The following PRDM5 variants were observed in gnomAD, a reference collection of about 807,000 sequenced individuals.
PRDM5 encodes PR domain zinc finger protein 5.
A neutral mutation model predicts 81.2 loss-of-function variants in PRDM5; 56 were observed. The ratio of observed to expected loss-of-function variants is 0.69; its 90% confidence interval spans 0.56 to 0.86. The LOEUF is 0.86. Ranked by LOEUF, PRDM5 falls within the 40% of genes least tolerant of loss-of-function variation. The pLI, the probability that PRDM5 is intolerant of heterozygous loss-of-function variation, is 0.00. For synonymous variants in PRDM5, 267 were observed against 256.4 expected, an observed-to-expected ratio of 1.04 and a Z score of -0.39; for missense variants, 697 against 770.1, an observed-to-expected ratio of 0.91 and a Z score of 1.12.
At chr4:120,901,009 T>C (rs928667781) in intron 2 of PRDM5, among the ~76,000 whole-genome samples, 16 of 152,234 alleles carry the variant, frequency 1.1e-4, no homozygotes, top group African/African-American at 3.6e-4. Flanking sequence ...AGCACTTTTA[T>C]ATATGTCCTC....
chr4:120,770,007 T>C (rs1561162559), intron 13 of PRDM5, among the ~76,000 whole-genome samples: 1 of 110,624 alleles, frequency 9.0e-6, no homozygotes, highest in African/African-American at 3.4e-5. Flanking sequence ...AAAATATCCC[T>C]ATTTATTTAT....
intron 8 of PRDM5, among the ~76,000 whole-genome samples, chr4:120,808,235 G>A (rs1015402751): frequency 6.6e-6 from 1 of 152,242 alleles, no homozygotes; most frequent in South Asian, 2.1e-4. Flanking sequence ...TTTACAGAGA[G>A]CTGATTGGTC....
At chr4:120,912,970 G>A (rs1766689284) in intron 1 of PRDM5, among the ~76,000 whole-genome samples, 1 of 152,162 alleles carries the variant, frequency 6.6e-6, no homozygotes, top group South Asian at 2.1e-4. Flanking sequence ...CTTCAATAGT[G>A]TATTAAATGT....
At chr4:120,739,080 G>C (rs1023099208) in intron 14 of PRDM5, among the ~76,000 whole-genome samples, 2 of 152,182 alleles carry the variant, frequency 1.3e-5, no homozygotes, top group African/African-American at 2.4e-5. Context: ...ATGGCTGGCA[G>C]TACACGTTAG....
In PRDM5 at chr4:120,716,548, C is replaced by G. The variant is rs934921924; in HGVS notation, c.1624-6135G>C. 3.9e-5 allele frequency among the ~76,000 whole-genome samples: 6 copies of G among 152,170 alleles called. No individual in the cohort carries two copies. In the East Asian group the frequency reaches 1.2e-3, roughly 29 times the overall value. ...TGTCATAACTAAGTATATCAACAGG[C>G]AGCTGTGTTTGTCCTTCAAATGCCT... is the stretch of plus-strand genomic sequence containing the variant. On this transcript the variant is annotated intron_variant, in intron 14 of 15. Coordinates refer to ENST00000264808, the MANE Select transcript of PRDM5 (RefSeq NM_018699.4).
chr4:120,858,881 G>C (rs933203788), intron 2 of PRDM5, among the ~76,000 whole-genome samples: 1 of 152,152 alleles, frequency 6.6e-6, no homozygotes, highest in Non-Finnish European at 1.5e-5. Flanking sequence ...ATTCTGGAGT[G>C]GTAAAGATGC....
chr4:120,864,977 G>A (rs531340386), intron 2 of PRDM5, among the ~76,000 whole-genome samples: 271 of 152,302 alleles, frequency 1.8e-3, no homozygotes, highest in African/African-American at 6.0e-3. Context: ...ACACAGCTGT[G>A]TCTCGCATCA....
chr4:120,820,770 C>T (rs991078648), intron 4 of PRDM5, among the ~76,000 whole-genome samples: 1 of 152,234 alleles, frequency 6.6e-6, no homozygotes, highest in Admixed American at 6.5e-5. Flanking sequence ...CTCACCTTTT[C>T]CTATATGCAG....
intron 13 of PRDM5, among the ~76,000 whole-genome samples, chr4:120,772,510 G>T (rs1372118628): frequency 6.6e-6 from 1 of 152,200 alleles, no homozygotes; most frequent in Admixed American, 6.5e-5. Context: ...GGACATTAAC[G>T]TTGCAGCGGC....
chr4:120,712,977 G>A (rs1737225288), intron 14 of PRDM5, among the ~76,000 whole-genome samples: 1 of 152,040 alleles, frequency 6.6e-6, no homozygotes, highest in Non-Finnish European at 1.5e-5. Context: ...CCTAGATGTG[G>A]GACTGAATCT....
chr4:120,922,417 G>C lies in PRDM5; in HGVS notation c.93+99C>G, dbSNP rs1320204355. On this transcript the variant is annotated intron_variant, in intron 1 of 15. Transcript: ENST00000264808. ...CCGGCCCGGGCGAGGGGCGACCGGG[G>C]TGAAGCCCGCCGCGCCCCGGGCCCT... is the stretch of plus-strand genomic sequence containing the variant. 151 of 1,193,984 alleles carry C rather than the reference G, an allele frequency of 1.3e-4. 1 individual carries two copies. The highest frequency in any genetic ancestry group is 1.5e-4 in the Non-Finnish European group (142 of 956,362). The allele number at this position is 1,193,984 out of a possible 1,614,324, so 74.0% of individuals were successfully genotyped here. A position where few individuals can be genotyped will look rare whatever the true frequency, so the allele number is the denominator to read the frequency against.
intron 15 of PRDM5, 120 bp from the exon 16 acceptor site, chr4:120,695,395 T>A (rs1734415824): frequency 8.9e-7 from 1 of 1,127,318 alleles, no homozygotes; most frequent in Non-Finnish European, 1.3e-6. Flanking sequence ...ATCGGTGTCC[T>A]TTGTACCCGA....
At chr4:120,787,584 G>C (rs539850154) in intron 10 of PRDM5, among the ~76,000 whole-genome samples, 4 of 152,186 alleles carry the variant, frequency 2.6e-5, no homozygotes, top group African/African-American at 4.8e-5. Flanking sequence ...GATGTGAAGA[G>C]AAGTAGTAGA....
At chr4:120,877,328 T>C (rs1762415405) in intron 2 of PRDM5, among the ~76,000 whole-genome samples, 1 of 152,192 alleles carries the variant, frequency 6.6e-6, no homozygotes. Context: ...CCACATCACT[T>C]AGGTTGAAAT....
At chr4:120,858,342 C>G (rs1433097703) in intron 2 of PRDM5, among the ~76,000 whole-genome samples, 1 of 152,262 alleles carries the variant, frequency 6.6e-6, no homozygotes, top group Non-Finnish European at 1.5e-5. Flanking sequence ...TTCAGGATAT[C>G]TTTAGGAGCA....
At chr4:120,898,492 C>T (rs1412334146) in intron 2 of PRDM5, among the ~76,000 whole-genome samples, 1 of 152,084 alleles carries the variant, frequency 6.6e-6, no homozygotes, top group East Asian at 1.9e-4. Flanking sequence ...GATTTTTAGC[C>T]TCTTGCCTAT....
At chr4:120,782,916 C>A (rs1330055594) in intron 11 of PRDM5, among the ~76,000 whole-genome samples, 1 of 152,026 alleles carries the variant, frequency 6.6e-6, no homozygotes, top group African/African-American at 2.4e-5. Flanking sequence ...CAAGCTATAG[C>A]AAGGAAGTTC....
chr4:120,709,096 G>A (rs1178841083), intron 15 of PRDM5, among the ~76,000 whole-genome samples: 1 of 152,080 alleles, frequency 6.6e-6, no homozygotes, highest in Non-Finnish European at 1.5e-5. Flanking sequence ...ATTCACCTAA[G>A]GAAATATCCA....
chr4:120,811,104 AT>A (rs1753770014), intron 8 of PRDM5, among the ~76,000 whole-genome samples: 1 of 152,114 alleles, frequency 6.6e-6, no homozygotes, highest in Non-Finnish European at 1.5e-5. Flanking sequence ...AACAATGATC[AT>A]TTACATCTTT....
Sources: allele counts gnomAD v4.1 joint callset (sites outside exome capture counted in the v4.1 genomes callset), GRCh38; gene constraint gnomAD v4.1.1; transcripts MANE v1.5; gene names NCBI Gene and HGNC (gene_info 2026-07-23, HGNC 2026-07-21).